The following BACH2 variants were observed in gnomAD, a reference collection of about 807,000 sequenced individuals.
BACH2 encodes BACH transcriptional regulator 2, also known as transcription regulator protein BACH2.
Under a neutral mutation model 61.8 loss-of-function variants are expected in BACH2, and 5 were observed. The ratio of observed to expected loss-of-function variants is 0.08; its 90% CI spans 0.04 to 0.17. The LOEUF (loss-of-function observed/expected upper bound fraction) is 0.17, where lower values mean the gene tolerates loss of function less well. Among genes scored for constraint, BACH2 ranks in the 10% least tolerant of loss-of-function variants. BACH2 has a pLI of 1.00. For synonymous variants in BACH2, 446 were observed against 440.1 expected (o/e 1.01, Z -0.17); for missense variants, 824 against 1,091.1 (o/e 0.76, Z 3.45).
In BACH2 at chr6:89,932,122, T is replaced by A; in HGVS notation, c.*286A>T. The A allele has an allele frequency of 3.4e-6, 1 of 291,916 alleles. No individual in the cohort carries two copies. Among genetic ancestry groups the A allele is most frequent in the Non-Finnish European group, 6.4e-6 (1 of 156,302 alleles). 18.1% of individuals were successfully genotyped at this position (291,916 alleles called of 1,614,324 possible). On this transcript the variant is annotated 3_prime_UTR_variant, in exon 9 of 9. Coordinates refer to ENST00000257749, the MANE Select transcript of BACH2 (RefSeq NM_021813.4). ...AAAATCCGTGGTTGGGGCCTAGAGGTGTTGTAGTCTATCCCTGTGAAGACT... is the reference window on the plus strand; with the variant it reads ...AAAATCCGTGGTTGGGGCCTAGAGGAGTTGTAGTCTATCCCTGTGAAGACT...
intron 6 of BACH2, among the ~76,000 whole-genome samples, chr6:89,999,499 A>C (rs1777023657): frequency 6.6e-6 from 1 of 151,870 alleles, no homozygotes; most frequent in Non-Finnish European, 1.5e-5. Context: ...TGGGAAGTAG[A>C]AATAATTTTG....
intron 5 of BACH2, among the ~76,000 whole-genome samples, chr6:90,056,098 C>A (rs529293966): frequency 6.6e-6 from 1 of 152,208 alleles, no homozygotes. Flanking sequence ...ATCATAATGA[C>A]AGGATCAAAT....
At chr6:90,089,801 C>T (rs1423879407) in intron 4 of BACH2, among the ~76,000 whole-genome samples, 1 of 152,114 alleles carries the variant, frequency 6.6e-6, no homozygotes, top group Non-Finnish European at 1.5e-5. Flanking sequence ...TTTAGAGATG[C>T]AGCTACCATT....
intron 8 of BACH2, among the ~76,000 whole-genome samples, chr6:89,936,347 G>T (rs1211988836): frequency 5.3e-5 from 8 of 152,146 alleles, no homozygotes; most frequent in Non-Finnish European, 1.5e-5. Context: ...TTGCTATATT[G>T]CCCAGGCTAG....
At chr6:90,265,284 TAA>T (rs1412885691) in intron 2 of BACH2, among the ~76,000 whole-genome samples, 1 of 152,068 alleles carries the variant, frequency 6.6e-6, no homozygotes, top group African/African-American at 2.4e-5. Context: ...CCATTTGCTC[TAA>T]AATAGAATTT....
intron 4 of BACH2, among the ~76,000 whole-genome samples, chr6:90,133,723 G>T (rs1042765568): frequency 5.9e-5 from 9 of 152,014 alleles, no homozygotes; most frequent in Non-Finnish European, 1.3e-4. Context: ...CCCAGTGTGT[G>T]ATGTTCCCCT....
chr6:90,040,794 CAT>C (rs1020964152), intron 5 of BACH2, among the ~76,000 whole-genome samples: 27 of 152,118 alleles, frequency 1.8e-4, no homozygotes, highest in South Asian at 4.1e-4. Flanking sequence ...TATATATACA[CAT>C]GTGTATATAT....
intron 1 of BACH2, among the ~76,000 whole-genome samples, chr6:90,279,456 G>A (rs1771791002): frequency 6.6e-6 from 1 of 151,228 alleles, no homozygotes. Context: ...CCAGGAGGTG[G>A]AGGTTGCAGT....
chr6:90,020,845 AG>A, intron 5 of BACH2, among the ~76,000 whole-genome samples: 1 of 152,322 alleles, frequency 6.6e-6, no homozygotes, highest in Admixed American at 6.5e-5. Context: ...ATGGGATCTA[AG>A]AATGAAATGG....
At chr6:90,291,968 G>A (rs891255037) in intron 1 of BACH2, among the ~76,000 whole-genome samples, 3 of 152,172 alleles carry the variant, frequency 2.0e-5, no homozygotes, top group African/African-American at 7.2e-5. Context: ...GACAGGGAAA[G>A]GAGAAAAACA....
intron 1 of BACH2, among the ~76,000 whole-genome samples, chr6:90,296,249 A>T (rs1772378547): frequency 6.6e-6 from 1 of 151,888 alleles, no homozygotes; most frequent in South Asian, 2.1e-4. Context: ...GAGAGCACAC[A>T]TTCGGCGCGG....
At chr6:90,024,484 T>C (rs1226455923) in intron 5 of BACH2, among the ~76,000 whole-genome samples, 1 of 152,180 alleles carries the variant, frequency 6.6e-6, no homozygotes, top group Non-Finnish European at 1.5e-5. Flanking sequence ...GATCTCGTGT[T>C]TTGTCTTCTC....
rs71027919 is a variant in BACH2, at chr6:90,011,932, A to ATGTGTGTGTGTGTGTGTG, written c.-12-3094_-12-3077dup. On this transcript the variant is annotated intron_variant, in intron 5 of 8. Coordinates refer to ENST00000257749, the MANE Select transcript of BACH2 (RefSeq NM_021813.4). ...AAGACTCTGTCTCAAAAAAAAAAAT[A>ATGTGTGTGTGTGTGTGTG]TGTGTGTGTGTGTGTGTGTGTGTGT... Among the ~76,000 whole-genome samples the ATGTGTGTGTGTGTGTGTG allele has an allele frequency of 4.3e-3, 490 of 114,274 alleles. 8 individuals are homozygous for ATGTGTGTGTGTGTGTGTG. Among genetic ancestry groups the ATGTGTGTGTGTGTGTGTG allele is most frequent in the Non-Finnish European group, 7.1e-3 (417 of 59,036 alleles). The allele number at this position is 114,274 out of a possible 152,430, so 75.0% of individuals were successfully genotyped here.
intron 4 of BACH2, among the ~76,000 whole-genome samples, chr6:90,128,737 A>G (rs904981464): frequency 6.6e-6 from 1 of 152,346 alleles, no homozygotes; most frequent in Non-Finnish European, 1.5e-5. Flanking sequence ...ATTATAAACC[A>G]TGCTGCTATA....
At position 89,991,479 on chromosome 6, in the gene BACH2, G is replaced by GCACACA. The variant is rs141966281; in HGVS notation, c.243+17117_243+17122dup. ...TGTTCACGTAAGCGTGCACGCGCAT[G>GCACACA]CACACACACACACACACATGCATAT... On this transcript the variant is annotated intron_variant, in intron 6 of 8. Transcript: ENST00000257749. Among the ~76,000 whole-genome samples the GCACACA allele has an allele frequency of 3.0e-3, 453 of 150,172 alleles. 15 individuals are homozygous for GCACACA. In the East Asian group the frequency reaches 0.079, roughly 26 times the overall value.
chr6:90,142,921 C>G (rs571218697), intron 4 of BACH2, among the ~76,000 whole-genome samples: 5 of 152,070 alleles, frequency 3.3e-5, no homozygotes, highest in Non-Finnish European at 7.4e-5. Flanking sequence ...GCTAAGCTAG[C>G]CTTGGGTGTG....
chr6:90,064,259 CCAAGGAAGCAGCATGGAGGGGGTG>C (rs1780830789), intron 5 of BACH2, among the ~76,000 whole-genome samples: 2 of 152,156 alleles, frequency 1.3e-5, no homozygotes, highest in South Asian at 4.1e-4. Flanking sequence ...GTAGGGTCAA[CCAAGGAAGCAGCATGGAGGGGGTG>C]GCACCTGGCC....
At chr6:90,050,138 GATA>G (rs1779971341) in intron 5 of BACH2, among the ~76,000 whole-genome samples, 1 of 152,172 alleles carries the variant, frequency 6.6e-6, no homozygotes, top group Non-Finnish European at 1.5e-5. Flanking sequence ...TGTTAAGAAT[GATA>G]ATAACATTAA....
Position 90,200,359 on chromosome 6 carries a change from G to T in BACH2, c.-162+6210C>A, listed in dbSNP as rs374895554. On this transcript the variant is annotated intron_variant, in intron 4 of 8. Coordinates refer to ENST00000257749, the MANE Select transcript of BACH2 (RefSeq NM_021813.4). ...GTAAATGAAGAAATGGCACAGTACC[G>T]AGTAAGAGGATGTACTGTTAATTTT... Among the ~76,000 whole-genome samples the T allele has an allele frequency of 1.9e-4, 29 of 152,234 alleles. 2 individuals are homozygous for T. Among genetic ancestry groups the T allele is most frequent in the African/African-American group, 6.5e-4 (27 of 41,542 alleles).
Sources: gnomAD v4.1 joint callset for allele counts (sites outside exome capture counted in the v4.1 genomes callset) on GRCh38, gnomAD v4.1.1 for gene constraint, MANE v1.5 for transcripts, NCBI Gene and HGNC (gene_info 2026-07-23, HGNC 2026-07-21) for gene names.